Variants in CHD5 observed in about 807,000 individuals in gnomAD.
CHD5 encodes the protein ATP-dependent chromatin remodeler CHD5.
In CHD5, 69 loss-of-function variants were observed where a neutral mutation model predicts 230.3. The observed-to-expected ratio is 0.30, with a 90% CI of 0.25 to 0.37. CHD5 has a LOEUF of 0.37. Ranked by LOEUF, CHD5 falls within the 10% of genes least tolerant of loss-of-function variation. The pLI, the probability that CHD5 is intolerant of heterozygous loss-of-function variation, is 1.00. For missense variants in CHD5, 1,827 were observed against 2,622.8 expected (o/e 0.70, Z 6.63); for synonymous variants, 1,064 against 1,065.9 (o/e 1.00, Z 0.03).
intron 1 of CHD5, among the ~76,000 whole-genome samples, chr1:6,178,766 G>A (rs1667463606): frequency 6.6e-6 from 1 of 152,112 alleles, no homozygotes; most frequent in African/African-American, 2.4e-5. Context: ...AAACAGAAGG[G>A]GGCAGGGGGT....
At chr1:6,165,341 G>T (rs1667235651) in intron 2 of CHD5, among the ~76,000 whole-genome samples, 1 of 152,164 alleles carries the variant, frequency 6.6e-6, no homozygotes, top group Non-Finnish European at 1.5e-5. Context: ...GCTCCCACAG[G>T]TCTCTGCTGC....
chr1:6,107,670 T>A (rs1266056052), intron 38 of CHD5, among the ~76,000 whole-genome samples: 2 of 96,542 alleles, frequency 2.1e-5, no homozygotes, highest in Non-Finnish European at 3.9e-5. Context: ...AATGAAGGGA[T>A]GATGGAGGGA....
At position 6,146,726 on chromosome 1, in the gene CHD5, T is replaced by A. The variant is rs1255798790; in HGVS notation, c.1529A>T (p.Glu510Val). 1.4e-5 allele frequency: 23 copies of A among 1,613,306 alleles called. No homozygotes were observed. The highest frequency in any genetic ancestry group is 1.9e-5 in the Non-Finnish European group (23 of 1,179,730). The change falls in exon 10 of 42, where the codon GAG (glutamate) becomes GTG (valine). Residue 510 changes from glutamate to valine, a missense_variant. By Grantham distance (121) the Glu-to-Val change is moderately radical. Coordinates refer to ENST00000262450, the MANE Select transcript of CHD5 (RefSeq NM_015557.3). The surrounding 1 kb of genome is among the most constrained non-coding windows in gnomAD (Gnocchi z 5.1). ...CAGCCCTGCCCACTTGACAAAGAAC[T>A]CTCTCTCAGGGATGCCCTCCAGGGG... ...PKPLEGIPER[E>V]FFVKWAGLSY...
At chr1:6,106,562 C>G in intron 39 of CHD5, 53 bp from the exon 40 acceptor site, 2 of 1,550,782 alleles carry the variant, frequency 1.3e-6, no homozygotes, top group Non-Finnish European at 1.7e-6. Context: ...CACCCAGCCT[C>G]CACCCAGGGG....
intron 33 of CHD5, among the ~76,000 whole-genome samples, chr1:6,115,574 G>A (rs1666366846): frequency 6.6e-6 from 1 of 152,216 alleles, no homozygotes; most frequent in Admixed American, 6.5e-5. Context: ...AGACACACGA[G>A]GCTACATGGC....
At chr1:6,124,770 C>T in intron 29 of CHD5, 109 bp from the exon 30 acceptor site, 1 of 758,172 alleles carries the variant, frequency 1.3e-6, no homozygotes, top group Non-Finnish European at 2.1e-6. Context: ...TCAACCATCG[C>T]CCACCTCCTA....
chr1:6,160,177 G>C (rs1321405637), intron 2 of CHD5, among the ~76,000 whole-genome samples: 2 of 89,866 alleles, frequency 2.2e-5, no homozygotes, highest in Non-Finnish European at 4.1e-5. Context: ...CCCCAGCCAG[G>C]GAAGGGCCCC....
At chr1:6,124,178 C>G (rs1666516201) in intron 30 of CHD5, 71 bp from the exon 31 acceptor site, 5 of 1,374,540 alleles carry the variant, frequency 3.6e-6, no homozygotes, top group South Asian at 2.5e-5. Context: ...CTAAGGGCCT[C>G]AGGGCAGCCA....
In CHD5 at chr1:6,112,273, G is replaced by A; in HGVS notation, c.5007C>T (p.Asp1669=). ...RGDSSELRPD[D]TKAEEKEPIE... Reference sequence around the variant, plus strand: ...TGGGCTCCTTCTCCTCAGCCTTGGTGTCATCTGCCGGGGACAGATCACATT... The same window carrying A: ...TGGGCTCCTTCTCCTCAGCCTTGGTATCATCTGCCGGGGACAGATCACATT... The change falls in exon 35 of 42, where the codon GAC becomes GAT. Residue 1669 remains aspartate, a synonymous_variant. Coordinates refer to ENST00000262450, the MANE Select transcript of CHD5 (RefSeq NM_015557.3). The A allele has an allele frequency of 1.9e-6, 3 of 1,614,040 alleles. No individual in the cohort carries two copies. Among genetic ancestry groups the A allele is most frequent in the Non-Finnish European group, 2.5e-6 (3 of 1,179,978 alleles).
rs1666103493 is a variant in CHD5, at chr1:6,103,244, A to T, written c.*2230T>A. 6.6e-6 allele frequency: 1 copy of T among 152,550 alleles called. No individual in the cohort carries two copies. Among genetic ancestry groups the T allele is most frequent in the African/African-American group, 2.4e-5 (1 of 41,454 alleles). 9.4% of individuals were successfully genotyped at this position (152,550 alleles called of 1,614,324 possible). A position where few individuals can be genotyped will look rare whatever the true frequency, so the allele number is the denominator to read the frequency against. ...CCACGGACAGCACCACCCCTTCTGG[A>T]CCAGGCAGTGCAGGGGGCCCAGGCC... On this transcript the variant is annotated 3_prime_UTR_variant, in exon 42 of 42. Transcript: ENST00000262450.
In CHD5 at chr1:6,111,876, G is replaced by C. The variant is rs1373529184; in HGVS notation, c.5148C>G (p.His1716Gln). ...CCCGCTCCTCGTTCTGCCACAGCGT[G>C]TGCAACTCTGGGAAACAAGCCAAGG... The part of the protein sequence containing the change: ...NIADGGFTEL[H>Q]TLWQNEERAA... The change falls in exon 36 of 42, where the codon CAC (histidine) becomes CAG (glutamine). Residue 1716 changes from histidine to glutamine, a missense_variant. This residue lies in a region of CHD5 where 272 missense variants were observed against 263.2 expected (regional missense o/e 1.03). Transcript: ENST00000262450. The C allele has an allele frequency of 6.2e-7, 1 of 1,613,162 alleles. No individual in the cohort carries two copies. The highest frequency in any genetic ancestry group is 1.6e-4 in the Middle Eastern group (1 of 6,062).
At chr1:6,158,826 T>C (rs1175304505) in intron 3 of CHD5, among the ~76,000 whole-genome samples, 2 of 150,336 alleles carry the variant, frequency 1.3e-5, no homozygotes, top group Non-Finnish European at 3.0e-5. Flanking sequence ...GCTAAAACGG[T>C]GAAACCCCAT....
chr1:6,114,816 C>T (rs1161321057), intron 33 of CHD5, among the ~76,000 whole-genome samples: 1 of 152,052 alleles, frequency 6.6e-6, no homozygotes, highest in African/African-American at 2.4e-5. Flanking sequence ...GAGTTTGAGA[C>T]CAGCCTGACC....
At position 6,134,360 on chromosome 1, in the gene CHD5, G is replaced by T; in HGVS notation, c.3013-101C>A. On this transcript the variant is annotated intron_variant, in intron 19 of 41. Coordinates refer to ENST00000262450, the MANE Select transcript of CHD5 (RefSeq NM_015557.3). This position sits in a 1 kb window ranked among gnomAD's most constrained non-coding sequence, Gnocchi z 6.3. ...GAACAGACAAGTGCTGAGCAATGGG[G>T]TGATGGCCTGTCTGCCCACTGAACA... is the stretch of plus-strand genomic sequence containing the variant. 7.3e-7 allele frequency: 1 copy of T among 1,369,254 alleles called. No homozygotes were observed. The allele number at this position is 1,369,254 out of a possible 1,614,324, so 84.8% of individuals were successfully genotyped here.
chr1:6,112,556 A>G (rs1666309741), intron 34 of CHD5, among the ~76,000 whole-genome samples: 1 of 152,222 alleles, frequency 6.6e-6, no homozygotes. Context: ...TCAAGTTCAA[A>G]GACAGAGCTG....
At chr1:6,110,588 G>C in intron 36 of CHD5, 62 bp from the exon 37 acceptor site, 2 of 1,462,746 alleles carry the variant, frequency 1.4e-6, no homozygotes, top group Admixed American at 1.8e-5. Context: ...GTAGGGGGAG[G>C]CAGCTCAGGG....
chr1:6,147,140 C>T (rs1287505293), intron 9 of CHD5, among the ~76,000 whole-genome samples: 1 of 152,226 alleles, frequency 6.6e-6, no homozygotes, highest in African/African-American at 2.4e-5. Flanking sequence ...TCTGAGCCAG[C>T]GTAGGTGAGA....
intron 38 of CHD5, among the ~76,000 whole-genome samples, chr1:6,107,249 A>AT (rs1314097344): frequency 7.6e-6 from 1 of 131,496 alleles, no homozygotes; most frequent in African/African-American, 2.9e-5. Flanking sequence ...TGGAGGGATA[A>AT]TGAAGGGATG....
intron 9 of CHD5, among the ~76,000 whole-genome samples, chr1:6,147,398 G>A (rs550422133): frequency 8.5e-5 from 13 of 152,326 alleles, no homozygotes; most frequent in Non-Finnish European, 1.3e-4. Context: ...GGCACCGTGC[G>A]TCTAGGCTGG....
Sources: gnomAD v4.1 joint callset for allele counts (sites outside exome capture counted in the v4.1 genomes callset) on GRCh38, gnomAD v4.1.1 for gene constraint, gnomAD v4.1.1 regional missense constraint, Gnocchi (gnomAD v3.1) non-coding constraint, MANE v1.5 for transcripts, NCBI Gene and HGNC (gene_info 2026-07-23, HGNC 2026-07-21) for gene names.